Variants in NEDD4L observed in about 807,000 individuals in gnomAD.
The protein encoded by NEDD4L is E3 ubiquitin-protein ligase NEDD4-like.
A neutral mutation model predicts 148.9 loss-of-function variants in NEDD4L; 54 were observed. That is an observed-to-expected ratio of 0.36 (90% confidence interval 0.29 to 0.45). NEDD4L has a LOEUF of 0.45. Ranked by LOEUF, NEDD4L falls within the 20% of genes least tolerant of loss-of-function variation. The pLI is 1.00. For missense variants in NEDD4L, 856 were observed against 1,233.8 expected (o/e 0.69, Z 4.59); for synonymous variants, 433 against 440.7 (o/e 0.98, Z 0.22).
At chr18:58,275,003 A>G (rs937028146) in intron 5 of NEDD4L, among the ~76,000 whole-genome samples, 1 of 152,332 alleles carries the variant, frequency 6.6e-6, no homozygotes, top group Non-Finnish European at 1.5e-5. Context: ...TCATACCTAC[A>G]TACAGTTAAC....
chr18:58,171,438 G>GC lies in NEDD4L; in HGVS notation c.122+5580dup, dbSNP rs150812351. ...CAGCCCAAGAGGACAGAACACTGCTGCCCACCTCATCACCCCAGCCCAAGG... is the reference window on the plus strand; with the variant it reads ...CAGCCCAAGAGGACAGAACACTGCTGCCCCACCTCATCACCCCAGCCCAAGG... On this transcript the variant is annotated intron_variant, in intron 2 of 30. Coordinates refer to ENST00000400345, the MANE Select transcript of NEDD4L (RefSeq NM_001144967.3). Among the ~76,000 whole-genome samples, 26 of 83,786 alleles carry GC rather than the reference G, an allele frequency of 3.1e-4. 3 individuals carry two copies. Among genetic ancestry groups the GC allele is most frequent in the East Asian group, 1.2e-3 (2 of 1,608 alleles). 55.0% of individuals were successfully genotyped at this position (83,786 alleles called of 152,430 possible). A position where few individuals can be genotyped will look rare whatever the true frequency, so the allele number is the denominator to read the frequency against.
chr18:58,388,621 A>G (rs2049366178), intron 27 of NEDD4L: 1 of 155,726 alleles, frequency 6.4e-6, no homozygotes, highest in South Asian at 2.0e-4. Context: ...CTCTGGGCAG[A>G]TGAGGTGATT....
intron 5 of NEDD4L, among the ~76,000 whole-genome samples, chr18:58,263,803 A>C (rs775888266): frequency 3.0e-4 from 45 of 152,242 alleles, no homozygotes; most frequent in African/African-American, 1.1e-3. Flanking sequence ...AGCAATACTG[A>C]AATGTAATAA....
intron 2 of NEDD4L, among the ~76,000 whole-genome samples, chr18:58,213,199 A>G (rs1052319070): frequency 6.6e-6 from 1 of 152,226 alleles, no homozygotes; most frequent in African/African-American, 2.4e-5. Context: ...ATAAAAAACT[A>G]TCATACCTTT....
At chr18:58,378,462 G>A (rs1403539826) in intron 24 of NEDD4L, among the ~76,000 whole-genome samples, 1 of 152,250 alleles carries the variant, frequency 6.6e-6, no homozygotes, top group African/African-American at 2.4e-5. Flanking sequence ...CGAAGAGCCC[G>A]GAGCTGGAGG....
intron 1 of NEDD4L, among the ~76,000 whole-genome samples, chr18:58,120,548 G>A (rs2086168965): frequency 6.6e-6 from 1 of 152,216 alleles, no homozygotes; most frequent in Non-Finnish European, 1.5e-5. Context: ...GGGAGGCTGA[G>A]GCGGGCGGAT....
intron 24 of NEDD4L, among the ~76,000 whole-genome samples, chr18:58,373,614 A>G (rs2047177165): frequency 6.6e-6 from 1 of 152,246 alleles, no homozygotes; most frequent in Non-Finnish European, 1.5e-5. Flanking sequence ...CGATGTAAAT[A>G]CATGACCAGG....
At chr18:58,189,353 C>T (rs138921424) in intron 2 of NEDD4L, among the ~76,000 whole-genome samples, 149 of 152,278 alleles carry the variant, frequency 9.8e-4, no homozygotes, top group African/African-American at 3.3e-3. Flanking sequence ...GTGACCTTTA[C>T]ACCCCAGGAG....
chr18:58,389,446 G>A lies in NEDD4L; in HGVS notation c.2655+254G>A, dbSNP rs118144029. The A allele has an allele frequency of 0.034, 11,296 of 334,816 alleles. 337 individuals carry two copies. The highest frequency in any genetic ancestry group is 0.043 in the Non-Finnish European group (7,867 of 184,808). 20.7% of individuals were successfully genotyped at this position (334,816 alleles called of 1,614,324 possible). A position where few individuals can be genotyped will look rare whatever the true frequency, so the allele number is the denominator to read the frequency against. On this transcript the variant is annotated intron_variant, in intron 28 of 30. Coordinates refer to ENST00000400345, the MANE Select transcript of NEDD4L (RefSeq NM_001144967.3). Reference sequence around the variant, plus strand: ...CACACTGGCCTTCCTTGACCACCTCGTGAAAGTGACTTTTATTTGAGGGAC... The same window carrying A: ...CACACTGGCCTTCCTTGACCACCTCATGAAAGTGACTTTTATTTGAGGGAC...
At chr18:58,093,503 G>A (rs978557604) in intron 1 of NEDD4L, among the ~76,000 whole-genome samples, 4 of 150,036 alleles carry the variant, frequency 2.7e-5, no homozygotes, top group African/African-American at 9.9e-5. Flanking sequence ...AGCTAGAGTT[G>A]TCTCTAGGTG....
At chr18:58,083,006 A>G (rs1342127786) in intron 1 of NEDD4L, among the ~76,000 whole-genome samples, 1 of 152,142 alleles carries the variant, frequency 6.6e-6, no homozygotes, top group Non-Finnish European at 1.5e-5. Context: ...TCAAAAGCGT[A>G]TACATTCTTA....
intron 5 of NEDD4L, among the ~76,000 whole-genome samples, chr18:58,289,692 A>G (rs2054435639): frequency 6.6e-6 from 1 of 152,198 alleles, no homozygotes; most frequent in South Asian, 2.1e-4. Context: ...CCTCCACTTG[A>G]CACCGCATCA....
intron 3 of NEDD4L, chr18:58,247,194 A>C (rs2047368491): frequency 6.6e-6 from 1 of 152,212 alleles, no homozygotes; most frequent in Non-Finnish European, 1.5e-5. Context: ...GTGCTTTAAA[A>C]AATTGTAACT....
At chr18:58,203,074 C>T (rs111358578) in intron 2 of NEDD4L, among the ~76,000 whole-genome samples, 120 of 152,144 alleles carry the variant, frequency 7.9e-4, no homozygotes, top group African/African-American at 2.8e-3. Context: ...CCCAAGTGAT[C>T]CTCCCACCTT....
chr18:58,331,319 T>A (rs2059770196), intron 11 of NEDD4L, among the ~76,000 whole-genome samples: 1 of 152,200 alleles, frequency 6.6e-6, no homozygotes. Context: ...GCCTAATCAG[T>A]CCTCTTAAGT....
At chr18:58,208,190 G>A (rs1269190392) in intron 2 of NEDD4L, among the ~76,000 whole-genome samples, 1 of 152,202 alleles carries the variant, frequency 6.6e-6, no homozygotes, top group Admixed American at 6.5e-5. Context: ...TCGGGGGAAA[G>A]TATTCAGGAA....
At chr18:58,223,662 T>A (rs1463851970) in intron 2 of NEDD4L, among the ~76,000 whole-genome samples, 4 of 152,358 alleles carry the variant, frequency 2.6e-5, no homozygotes, top group Admixed American at 2.6e-4. Context: ...TTTTCCTTCT[T>A]ATGTGCTTTG....
At chr18:58,136,694 C>T (rs917974946) in intron 1 of NEDD4L, among the ~76,000 whole-genome samples, 5 of 152,284 alleles carry the variant, frequency 3.3e-5, no homozygotes, top group African/African-American at 1.2e-4. Flanking sequence ...CCAGAAAAGC[C>T]GAGCAAGTCA....
intron 24 of NEDD4L, among the ~76,000 whole-genome samples, chr18:58,378,125 A>T (rs1256058513): frequency 1.3e-5 from 2 of 152,272 alleles, no homozygotes; most frequent in East Asian, 3.9e-4. Context: ...CAGCAGCCAT[A>T]TAGGAAGGTT....
Sources: gnomAD v4.1 joint callset for allele counts (sites outside exome capture counted in the v4.1 genomes callset) on GRCh38, gnomAD v4.1.1 for gene constraint, MANE v1.5 for transcripts, NCBI Gene and HGNC (gene_info 2026-07-23, HGNC 2026-07-21) for gene names.